The following SHROOM3 variants were observed in gnomAD, a reference collection of about 807,000 sequenced individuals.
SHROOM3 encodes the protein protein Shroom3.
A neutral mutation model predicts 138.6 loss-of-function variants in SHROOM3; 47 were observed. The observed-to-expected ratio is 0.34, with a 90% CI of 0.27 to 0.43. The LOEUF (loss-of-function observed/expected upper bound fraction) is 0.43, where lower values mean the gene tolerates loss of function less well. Ranked by LOEUF, SHROOM3 falls within the 20% of genes least tolerant of loss-of-function variation. The probability of loss-of-function intolerance (pLI) is 1.00; values close to 1 mark genes in which losing one functional copy is unlikely to be tolerated. For synonymous variants in SHROOM3, 1,062 were observed against 1,063.3 expected (o/e 1.00, Z 0.02); for missense variants, 2,491 against 2,596.5 (o/e 0.96, Z 0.88).
chr4:76,626,520 A>C (rs1735148085), intron 2 of SHROOM3, among the ~76,000 whole-genome samples: 1 of 152,236 alleles, frequency 6.6e-6, no homozygotes, highest in Non-Finnish European at 1.5e-5. Context: ...TCAGATAACC[A>C]TGATTGCAGT....
At chr4:76,564,014 A>C (rs1246720840) in intron 2 of SHROOM3, among the ~76,000 whole-genome samples, 3 of 152,134 alleles carry the variant, frequency 2.0e-5, no homozygotes, top group South Asian at 2.1e-4. Context: ...GTACCACTCT[A>C]TGGTTCTGTG....
At chr4:76,770,952 T>C in intron 10 of SHROOM3, 54 bp downstream of exon 10, 3 of 1,606,798 alleles carry the variant, frequency 1.9e-6, no homozygotes, top group Non-Finnish European at 2.6e-6. Context: ...CCCACATACA[T>C]AGAGAGGCGC....
chr4:76,486,390 A>G (rs1731731151), intron 1 of SHROOM3, among the ~76,000 whole-genome samples: 1 of 152,214 alleles, frequency 6.6e-6, no homozygotes, highest in Admixed American at 6.5e-5. Flanking sequence ...TTTGAATAAG[A>G]TGGGATCAAG....
intron 2 of SHROOM3, among the ~76,000 whole-genome samples, chr4:76,609,253 A>G (rs1734711532): frequency 6.6e-6 from 1 of 152,174 alleles, no homozygotes; most frequent in Admixed American, 6.5e-5. Context: ...CCTCTAGTAC[A>G]TCATAGTCCA....
chr4:76,521,153 G>A (rs1732555581), intron 1 of SHROOM3, among the ~76,000 whole-genome samples: 1 of 152,008 alleles, frequency 6.6e-6, no homozygotes, highest in African/African-American at 2.4e-5. Context: ...CCCTTTAAGG[G>A]TTTGATTAAA....
chr4:76,747,944 T>C (rs1157190274), intron 5 of SHROOM3, among the ~76,000 whole-genome samples: 2 of 152,210 alleles, frequency 1.3e-5, no homozygotes, highest in African/African-American at 4.8e-5. Context: ...GTCACCTTGC[T>C]GAGCTGCAAT....
chr4:76,710,127 T>G, intron 2 of SHROOM3, 29 bp from the exon 3 acceptor site: 1 of 1,613,656 alleles, frequency 6.2e-7, no homozygotes, highest in South Asian at 1.1e-5. Flanking sequence ...ACCATCATGC[T>G]CAGCTTCTTC....
chr4:76,770,349 AAAC>A lies in SHROOM3; in HGVS notation c.5350-275_5350-273del, dbSNP rs1560623499. Among the ~76,000 whole-genome samples the A allele has an allele frequency of 5.5e-4, 74 of 134,552 alleles. 1 individual carries two copies. Among genetic ancestry groups the A allele is most frequent in the African/African-American group, 1.8e-3 (68 of 36,822 alleles). The allele number at this position is 134,552 out of a possible 152,430, so 88.3% of individuals were successfully genotyped here. On this transcript the variant is annotated intron_variant, in intron 9 of 10. Coordinates refer to ENST00000296043, the MANE Select transcript of SHROOM3 (RefSeq NM_020859.4). ...CAAAAAAAAAAAAAAAAAAAAAAAAAAACAGAAGACAAAGCTGTACATAGCATG... is the reference window on the plus strand; with the variant it reads ...CAAAAAAAAAAAAAAAAAAAAAAAAAAGAAGACAAAGCTGTACATAGCATG...
At position 76,739,056 on chromosome 4, in the gene SHROOM3, C is replaced by G. The variant is rs757969587; in HGVS notation, c.883C>G (p.Leu295Val). 6.8e-6 allele frequency: 11 copies of G among 1,614,100 alleles called. No homozygotes were observed. In the South Asian group the frequency reaches 1.2e-4, roughly 18 times the overall value. The change falls in exon 5 of 11, where the codon CTC (leucine) becomes GTC (valine). Residue 295 changes from leucine (L) to valine (V), a missense_variant. By Grantham distance (32) the Leu-to-Val change is conservative. Transcript: ENST00000296043. ...SMDNTSARGG[L>V]LEGMRQADIR... The stretch of plus-strand genomic sequence containing the variant: ...GGACAATACTTCTGCTCGAGGTGGC[C>G]TCCTCGAAGGGATGAGGCAGGCAGA...
chr4:76,690,271 G>A (rs1240577286), intron 2 of SHROOM3, among the ~76,000 whole-genome samples: 1 of 152,208 alleles, frequency 6.6e-6, no homozygotes, highest in East Asian at 1.9e-4. Context: ...AACTTTTGCT[G>A]GTGGGGGAGG....
chr4:76,774,349 CATG>C (rs1197470881), intron 10 of SHROOM3, among the ~76,000 whole-genome samples: 1 of 152,056 alleles, frequency 6.6e-6, no homozygotes, highest in Admixed American at 6.6e-5. Flanking sequence ...GTTTTTTTAT[CATG>C]ATTGGTCTTT....
At chr4:76,633,053 A>G (rs1338263855) in intron 2 of SHROOM3, among the ~76,000 whole-genome samples, 1 of 152,186 alleles carries the variant, frequency 6.6e-6, no homozygotes, top group East Asian at 1.9e-4. Flanking sequence ...CGACTATTCT[A>G]AACTCCAGGT....
chr4:76,637,928 T>G (rs1735546519), intron 2 of SHROOM3, among the ~76,000 whole-genome samples: 1 of 152,158 alleles, frequency 6.6e-6, no homozygotes, highest in Non-Finnish European at 1.5e-5. Context: ...TGGCAGGGTT[T>G]AATGACTCAA....
Position 76,779,636 on chromosome 4 carries a change from A to G in SHROOM3, c.*459A>G, listed in dbSNP as rs1722680613. 6.4e-6 allele frequency: 1 copy of G among 157,356 alleles called. No individual in the cohort carries two copies. The highest frequency in any genetic ancestry group is 2.4e-5 in the African/African-American group (1 of 41,464). 9.7% of individuals were successfully genotyped at this position (157,356 alleles called of 1,614,324 possible). A position where few individuals can be genotyped will look rare whatever the true frequency, so the allele number is the denominator to read the frequency against. On this transcript the variant is annotated 3_prime_UTR_variant, in exon 11 of 11. Transcript: ENST00000296043. ...AGACACACACTAAGAAAACTGTAAA[A>G]CCTTGAACATTGTTATTTATATTTT...
rs1010985462 is a variant in SHROOM3, at chr4:76,781,788, T to G, written c.*2611T>G. On this transcript the variant is annotated 3_prime_UTR_variant, in exon 11 of 11. Transcript: ENST00000296043. ...ACTATTTTTAAAAACTCATTTACAG[T>G]AGAAACCATTCTTCTTTCTCCCAAC... 1.3e-5 allele frequency: 2 copies of G among 152,242 alleles called. No homozygotes were observed. Among genetic ancestry groups the G allele is most frequent in the African/African-American group, 4.8e-5 (2 of 41,464 alleles). The allele number at this position is 152,242 out of a possible 1,614,324, so 9.4% of individuals were successfully genotyped here.
chr4:76,485,987 C>T (rs1187682496), intron 1 of SHROOM3, among the ~76,000 whole-genome samples: 7 of 152,112 alleles, frequency 4.6e-5, no homozygotes, highest in African/African-American at 1.7e-4. Flanking sequence ...TTCTTAAACA[C>T]AAGTGGAATT....
At chr4:76,524,827 G>A (rs1197099005) in intron 1 of SHROOM3, among the ~76,000 whole-genome samples, 4 of 152,124 alleles carry the variant, frequency 2.6e-5, no homozygotes, top group Admixed American at 2.0e-4. Flanking sequence ...CAGGGGTTAC[G>A]GTAACACACA....
At position 76,436,967 on chromosome 4, in the gene SHROOM3, T is replaced by C. The variant is rs144261277; in HGVS notation, c.168+747T>C. Among the ~76,000 whole-genome samples, 57 of 152,364 alleles carry C rather than the reference T, an allele frequency of 3.7e-4. No homozygotes were observed. In the East Asian group the frequency reaches 0.01, roughly 27 times the overall value. ...TTTAATAGTCTGATACAATAGATTATAATGGCTTTTCACACATGTGCATTC... is the reference window on the plus strand; with the variant it reads ...TTTAATAGTCTGATACAATAGATTACAATGGCTTTTCACACATGTGCATTC... On this transcript the variant is annotated intron_variant, in intron 1 of 10. Coordinates refer to ENST00000296043, the MANE Select transcript of SHROOM3 (RefSeq NM_020859.4).
At position 76,594,673 on chromosome 4, in the gene SHROOM3, T is replaced by C. The variant is rs141939896; in HGVS notation, c.323+38910T>C. Among the ~76,000 whole-genome samples the C allele has an allele frequency of 2.2e-3, 331 of 152,332 alleles. 2 individuals carry two copies. The highest frequency in any genetic ancestry group is 7.5e-3 in the African/African-American group (311 of 41,580). On this transcript the variant is annotated intron_variant, in intron 2 of 10. Coordinates refer to ENST00000296043, the MANE Select transcript of SHROOM3 (RefSeq NM_020859.4). ...GAAGTGTAGCTCCAAAGGACCCTGATGTCAGACTAACACCTGCTATGTGAC... is the reference window on the plus strand; with the variant it reads ...GAAGTGTAGCTCCAAAGGACCCTGACGTCAGACTAACACCTGCTATGTGAC...
Sources: gnomAD v4.1 joint callset for allele counts (sites outside exome capture counted in the v4.1 genomes callset) on GRCh38, gnomAD v4.1.1 for gene constraint, MANE v1.5 for transcripts, NCBI Gene and HGNC (gene_info 2026-07-23, HGNC 2026-07-21) for gene names.